SLC10A7: variants seen among roughly 807,000 people sequenced by gnomAD.
SLC10A7 encodes sodium/bile acid cotransporter 7.
Under a neutral mutation model 43.2 loss-of-function variants are expected in SLC10A7, and 29 were observed. The observed-to-expected ratio is 0.67, with a 90% confidence interval of 0.50 to 0.92. The LOEUF is 0.92. SLC10A7 is among the 40% of genes least tolerant of loss of function. The pLI is 0.00. For synonymous variants in SLC10A7, 152 were observed against 144.8 expected (o/e 1.05, Z -0.35); for missense variants, 295 against 403.2 (o/e 0.73, Z 2.30).
intron 4 of SLC10A7, among the ~76,000 whole-genome samples, chr4:146,463,541 G>C (rs1732726942): frequency 6.6e-6 from 1 of 152,074 alleles, no homozygotes; most frequent in Admixed American, 6.6e-5. Flanking sequence ...AGAAGTTCAA[G>C]GCCAGCCTGG....
intron 5 of SLC10A7, among the ~76,000 whole-genome samples, chr4:146,356,744 G>A (rs986106871): frequency 4.0e-5 from 6 of 150,474 alleles, no homozygotes; most frequent in Non-Finnish European, 8.9e-5. Context: ...ATTTTTTTTT[G>A]TCTTCTTCCC....
chr4:146,334,152 T>C (rs1043079579), intron 5 of SLC10A7, among the ~76,000 whole-genome samples: 1 of 152,028 alleles, frequency 6.6e-6, no homozygotes, highest in South Asian at 2.1e-4. Flanking sequence ...CTCATTTTTC[T>C]TGGGAAAGAT....
At chr4:146,441,908 C>A (rs1730630975) in intron 5 of SLC10A7, 2 of 982,270 alleles carry the variant, frequency 2.0e-6, no homozygotes, top group Non-Finnish European at 2.4e-6. Context: ...ATTAACAGAG[C>A]ATTTTAAACA....
At chr4:146,357,992 G>A (rs1408669490) in intron 5 of SLC10A7, among the ~76,000 whole-genome samples, 1 of 151,800 alleles carries the variant, frequency 6.6e-6, no homozygotes, top group Non-Finnish European at 1.5e-5. Flanking sequence ...AGTTCTTAGA[G>A]GATCATTGTT....
At chr4:146,293,459 T>C (rs1730575568) in intron 8 of SLC10A7, among the ~76,000 whole-genome samples, 1 of 152,194 alleles carries the variant, frequency 6.6e-6, no homozygotes, top group Non-Finnish European at 1.5e-5. Context: ...CAAAATGAAA[T>C]GACATTATTT....
At chr4:146,503,378 G>A (rs568668255) in intron 4 of SLC10A7, among the ~76,000 whole-genome samples, 80 of 152,266 alleles carry the variant, frequency 5.3e-4, no homozygotes, top group African/African-American at 1.9e-3. Context: ...CCTAGCAGTT[G>A]AATAATCTCT....
chr4:146,423,929 C>G (rs1171469435), intron 5 of SLC10A7, among the ~76,000 whole-genome samples: 2 of 152,124 alleles, frequency 1.3e-5, no homozygotes, highest in Non-Finnish European at 2.9e-5. Flanking sequence ...AATCACTGGC[C>G]TAGTCAGTCA....
intron 5 of SLC10A7, among the ~76,000 whole-genome samples, chr4:146,381,983 T>C (rs939630756): frequency 4.6e-5 from 7 of 152,058 alleles, no homozygotes; most frequent in African/African-American, 1.7e-4. Context: ...AAATAATGAT[T>C]TCTAAACCTA....
intron 5 of SLC10A7, among the ~76,000 whole-genome samples, chr4:146,353,084 C>T (rs1348751506): frequency 4.0e-5 from 6 of 151,136 alleles, no homozygotes; most frequent in Non-Finnish European, 7.4e-5. Context: ...TTCAAAAAAT[C>T]AATGAATCCA....
At chr4:146,320,893 C>T (rs1013649230) in intron 6 of SLC10A7, among the ~76,000 whole-genome samples, 1 of 151,896 alleles carries the variant, frequency 6.6e-6, no homozygotes, top group African/African-American at 2.4e-5. Flanking sequence ...CAATGAGGTA[C>T]AAGGAAGACA....
chr4:146,357,303 C>G (rs1735727732), intron 5 of SLC10A7, among the ~76,000 whole-genome samples: 1 of 152,046 alleles, frequency 6.6e-6, no homozygotes, highest in Admixed American at 6.6e-5. Context: ...CCAGGAAGTT[C>G]CAATAATTTT....
chr4:146,333,113 C>A (rs927259815), intron 5 of SLC10A7, among the ~76,000 whole-genome samples: 2 of 152,160 alleles, frequency 1.3e-5, no homozygotes, highest in African/African-American at 2.4e-5. Flanking sequence ...CCAGAGAAAG[C>A]AGTTCTACCT....
chr4:146,496,657 C>T (rs1286980937), intron 4 of SLC10A7, among the ~76,000 whole-genome samples: 2 of 152,056 alleles, frequency 1.3e-5, no homozygotes, highest in Non-Finnish European at 2.9e-5. Flanking sequence ...TTTTTTCCAA[C>T]CATTTTTCTC....
At chr4:146,362,760 GT>G (rs1184526529) in intron 5 of SLC10A7, among the ~76,000 whole-genome samples, 9 of 151,892 alleles carry the variant, frequency 5.9e-5, no homozygotes, top group South Asian at 4.1e-4. Flanking sequence ...TTCCTTGCGT[GT>G]TTTTTTCTTT....
At chr4:146,498,102 C>A (rs540836658) in intron 4 of SLC10A7, among the ~76,000 whole-genome samples, 1 of 151,368 alleles carries the variant, frequency 6.6e-6, no homozygotes, top group African/African-American at 2.4e-5. Flanking sequence ...TAGGATTCAC[C>A]AACTCTTATT....
chr4:146,433,232 G>C (rs1269767287), intron 5 of SLC10A7, among the ~76,000 whole-genome samples: 2 of 145,158 alleles, frequency 1.4e-5, no homozygotes, highest in African/African-American at 5.1e-5. Flanking sequence ...CGTGATCTCA[G>C]CTCACTGCAA....
At chr4:146,324,441 A>C (rs13121951) in intron 6 of SLC10A7, among the ~76,000 whole-genome samples, 124,508 of 152,170 alleles carry the variant, frequency 0.82, 51,749 homozygotes, top group African/African-American at 0.95. Flanking sequence ...AGATGTTACA[A>C]CCTAGGCCTC....
At chr4:146,409,866 G>T (rs1052765309) in intron 5 of SLC10A7, among the ~76,000 whole-genome samples, 5 of 152,038 alleles carry the variant, frequency 3.3e-5, no homozygotes, top group African/African-American at 1.2e-4. Context: ...AAATTATTTG[G>T]CTTAATTTAC....
In SLC10A7 at chr4:146,265,785, C is replaced by T. The variant is rs144420066; in HGVS notation, c.848-6948G>A. On this transcript the variant is annotated intron_variant, in intron 10 of 11. Transcript: ENST00000335472. ...TTAAAGACAACGCATTCACATACTGCTCTGGGAGAGGCTTATATTTCACAG... is the reference window on the plus strand; with the variant it reads ...TTAAAGACAACGCATTCACATACTGTTCTGGGAGAGGCTTATATTTCACAG... Among the ~76,000 whole-genome samples the T allele has an allele frequency of 1.1e-3, 174 of 152,266 alleles. 2 individuals carry two copies. Among genetic ancestry groups the T allele is most frequent in the Middle Eastern group, 3.4e-3 (1 of 294 alleles).
Sources: gnomAD v4.1 joint callset for allele counts (sites outside exome capture counted in the v4.1 genomes callset) on GRCh38, gnomAD v4.1.1 for gene constraint, MANE v1.5 for transcripts, NCBI Gene and HGNC (gene_info 2026-07-23, HGNC 2026-07-21) for gene names.